The following CPB1 variants were observed in gnomAD, a reference collection of about 807,000 sequenced individuals.
The protein encoded by CPB1 is carboxypeptidase B.
CPB1 carries 53 observed loss-of-function variants against 51.4 expected under a neutral mutation model. That is an observed-to-expected ratio of 1.03 (90% CI 0.83 to 1.30). The LOEUF (loss-of-function observed/expected upper bound fraction) is 1.30. CPB1 is among the 50% of genes most tolerant of loss of function. CPB1 has a pLI of 0.00. For missense variants in CPB1, 494 were observed against 516.2 expected (o/e 0.96, Z 0.42); for synonymous variants, 189 against 186.9 (o/e 1.01, Z -0.09).
intron 9 of CPB1, chr3:148,854,423 G>A (rs2108021253): frequency 6.6e-6 from 1 of 151,630 alleles, no homozygotes; most frequent in Admixed American, 6.6e-5. Context: ...GACTTTTTTT[G>A]TCTTTTGGCC....
intron 7 of CPB1, 42 bp downstream of exon 7, chr3:148,844,630 C>T: frequency 6.2e-7 from 1 of 1,610,580 alleles, no homozygotes; most frequent in Non-Finnish European, 8.5e-7. Context: ...AAATTAAAAC[C>T]AACGCCTCTC....
At chr3:148,838,357 A>T (rs971479366) in intron 3 of CPB1, 2 of 150,518 alleles carry the variant, frequency 1.3e-5, no homozygotes, top group Non-Finnish European at 3.0e-5. Context: ...AGAGGATGTC[A>T]TTTTCTGGTC....
At chr3:148,851,597 G>A (rs1220973585) in intron 9 of CPB1, 1 of 152,234 alleles carries the variant, frequency 6.6e-6, no homozygotes, top group Non-Finnish European at 1.5e-5. Flanking sequence ...GTTTGCTGAA[G>A]CTGCTCAGTG....
intron 9 of CPB1, among the ~76,000 whole-genome samples, chr3:148,846,903 G>C (rs1419867852): frequency 7.4e-6 from 1 of 135,738 alleles, no homozygotes; most frequent in South Asian, 2.4e-4. Context: ...GTTCCCAATG[G>C]GTGCTCACAG....
At chr3:148,847,931 T>A (rs930115395) in intron 9 of CPB1, among the ~76,000 whole-genome samples, 9 of 152,200 alleles carry the variant, frequency 5.9e-5, no homozygotes, top group Admixed American at 3.3e-4. Context: ...TCTCTATTGA[T>A]TAAGCTTTTC....
intron 9 of CPB1, chr3:148,856,096 C>A (rs535270075): frequency 1.3e-5 from 2 of 152,090 alleles, no homozygotes; most frequent in Admixed American, 6.5e-5. Context: ...TATATTTAGG[C>A]CACAACAGTA....
chr3:148,852,072 T>C (rs1381059874), intron 9 of CPB1: 2 of 152,222 alleles, frequency 1.3e-5, no homozygotes, highest in African/African-American at 2.4e-5. Flanking sequence ...TTGCTAAGCC[T>C]GAACGTTCTG....
intron 9 of CPB1, chr3:148,854,222 G>A (rs1713512627): frequency 6.6e-6 from 1 of 152,170 alleles, no homozygotes; most frequent in Admixed American, 6.5e-5. Flanking sequence ...TGCTGCCCCA[G>A]GTGGAATTCC....
rs1255372295 is a variant in CPB1, at chr3:148,843,355, A to G, written c.577-1123A>G. 2.6e-5 allele frequency among the ~76,000 whole-genome samples: 4 copies of G among 152,008 alleles called. No homozygotes were observed. The South Asian group carries it at 8.3e-4, about 31-fold the overall frequency. ...CAAATTTAAAAGTTGAAAACATTGA[A>G]GTGCTTTAAATATATAATAATATTA... is the stretch of plus-strand genomic sequence containing the variant. On this transcript the variant is annotated intron_variant, in intron 6 of 10. Coordinates refer to ENST00000282957, the MANE Select transcript of CPB1 (RefSeq NM_001871.3).
chr3:148,830,201 C>G (rs569069440), intron 2 of CPB1, among the ~76,000 whole-genome samples: 2 of 152,144 alleles, frequency 1.3e-5, no homozygotes, highest in Non-Finnish European at 2.9e-5. Context: ...CACCTGTTTT[C>G]GTGTTTATAA....
At chr3:148,827,976 T>C (rs1712620461) in intron 1 of CPB1, 26 bp from the exon 2 acceptor site, 1 of 1,613,190 alleles carries the variant, frequency 6.2e-7, no homozygotes, top group South Asian at 1.1e-5. Context: ...TCCAATTCTC[T>C]GTGCTTCTAT....
chr3:148,851,532 AT>A (rs1713433002), intron 9 of CPB1: 1 of 152,144 alleles, frequency 6.6e-6, no homozygotes, highest in African/African-American at 2.4e-5. Context: ...GGAGAACAGA[AT>A]TGGGAGTTTC....
intron 3 of CPB1, among the ~76,000 whole-genome samples, chr3:148,838,740 G>A (rs1430611086): frequency 6.6e-6 from 1 of 152,088 alleles, no homozygotes; most frequent in African/African-American, 2.4e-5. Context: ...AAGGATGTTG[G>A]ATATTTACTA....
rs188157850 is a variant in CPB1 at position 148,846,833 on chromosome 3, A to G, written c.981+1207A>G. On this transcript the variant is annotated intron_variant, in intron 9 of 10. Transcript: ENST00000282957. ...TATATATATATATATATATATATATATATATATATGTTAGCACCGCCAAGC... is the reference window on the plus strand; with the variant it reads ...TATATATATATATATATATATATATGTATATATATGTTAGCACCGCCAAGC... Among the ~76,000 whole-genome samples the G allele has an allele frequency of 5.1e-3, 603 of 117,560 alleles. 33 individuals are homozygous for G. Among genetic ancestry groups the G allele is most frequent in the African/African-American group, 0.019 (577 of 30,170 alleles). The allele number at this position is 117,560 out of a possible 152,430, so 77.1% of individuals were successfully genotyped here.
At chr3:148,841,949 C>A (rs1713098942) in intron 6 of CPB1, 25 bp downstream of exon 6, 1 of 1,481,978 alleles carries the variant, frequency 6.7e-7, no homozygotes, top group Non-Finnish European at 9.4e-7. Context: ...TGGTTTTTGG[C>A]AAAGAGAAAT....
At chr3:148,845,751 T>C in intron 9 of CPB1, 125 bp downstream of exon 9, 1 of 719,694 alleles carries the variant, frequency 1.4e-6, no homozygotes, top group East Asian at 2.8e-5. Context: ...GGTAGTAGAA[T>C]TGAAAAACTT....
At chr3:148,836,103 T>C (rs1712894754) in intron 3 of CPB1, among the ~76,000 whole-genome samples, 1 of 151,796 alleles carries the variant, frequency 6.6e-6, no homozygotes, top group East Asian at 1.9e-4. Context: ...CAACTGGTAT[T>C]ATATTGCTGA....
chr3:148,829,568 C>T lies in CPB1; in HGVS notation c.147+1491C>T, dbSNP rs114876173. Among the ~76,000 whole-genome samples the T allele has an allele frequency of 4.8e-3, 729 of 152,256 alleles. 9 individuals are homozygous for T. The highest frequency in any genetic ancestry group is 0.016 in the African/African-American group (685 of 41,550). ...CTAAATGTAGGATTTTAGATTTACA[C>T]TTTTAAGATTTATCTTGACAGCCTG... is the stretch of plus-strand genomic sequence containing the variant. On this transcript the variant is annotated intron_variant, in intron 2 of 10. Coordinates refer to ENST00000282957, the MANE Select transcript of CPB1 (RefSeq NM_001871.3).
In CPB1 at chr3:148,845,502, T is replaced by C; in HGVS notation, c.857T>C (p.Leu286Pro). ...GAGTCTGAAAAGGAGACCAAGGCCC[T>C]GGCTGATTTCATCCGCAACAAACTC... is the stretch of plus-strand genomic sequence containing the variant. ...AAESEKETKA[L>P]ADFIRNKLSS... The change falls in exon 9 of 11, where the codon CTG becomes CCG. Residue 286 changes from leucine (L) to proline (P), a missense_variant. Physicochemically the swap from Leu to Pro is moderately conservative, Grantham distance 98 (BLOSUM62 -3). Transcript: ENST00000282957. 1 of 1,614,006 alleles carries C rather than the reference T, an allele frequency of 6.2e-7. No homozygotes were observed. The highest frequency in any genetic ancestry group is 8.5e-7 in the Non-Finnish European group (1 of 1,179,894).
Sources: allele counts gnomAD v4.1 joint callset (sites outside exome capture counted in the v4.1 genomes callset), GRCh38; gene constraint gnomAD v4.1.1; transcripts MANE v1.5; gene names NCBI Gene and HGNC (gene_info 2026-07-23, HGNC 2026-07-21).